The following MCTP2 variants were observed in gnomAD, a reference collection of about 807,000 sequenced individuals.
MCTP2 encodes the protein multiple C2 and transmembrane domain-containing protein 2.
Under a neutral mutation model 111.6 loss-of-function variants are expected in MCTP2, and 132 were observed. The ratio of observed to expected loss-of-function variants is 1.18; its 90% CI spans 1.03 to 1.37. The LOEUF is 1.37. Among genes scored for constraint, MCTP2 ranks in the 40% most tolerant of loss-of-function variants. The pLI is 0.00. For missense variants in MCTP2, 1,183 were observed against 1,067.9 expected, an observed-to-expected ratio of 1.11 and a Z score of -1.50; for synonymous variants, 395 against 387.7, an observed-to-expected ratio of 1.02 and a Z score of -0.22.
chr15:94,444,665 C>T (rs1278199216), intron 19 of MCTP2, among the ~76,000 whole-genome samples: 2 of 152,174 alleles, frequency 1.3e-5, no homozygotes, highest in East Asian at 1.9e-4. Flanking sequence ...AAAAGATGTT[C>T]GTATCTCTCT....
intron 4 of MCTP2, among the ~76,000 whole-genome samples, chr15:94,317,942 A>G (rs1430279458): frequency 6.6e-6 from 1 of 152,012 alleles, no homozygotes; most frequent in Non-Finnish European, 1.5e-5. Flanking sequence ...TTCTATTATT[A>G]TTATAAATGT....
At chr15:94,303,827 G>A (rs1596311053) in intron 2 of MCTP2, among the ~76,000 whole-genome samples, 1 of 152,134 alleles carries the variant, frequency 6.6e-6, no homozygotes, top group South Asian at 2.1e-4. Context: ...CCAACTCTGT[G>A]GTGAGTATAA....
intron 7 of MCTP2, among the ~76,000 whole-genome samples, chr15:94,344,540 A>T (rs2077855661): frequency 6.6e-6 from 1 of 152,182 alleles, no homozygotes; most frequent in Non-Finnish European, 1.5e-5. Flanking sequence ...GACAGAGGAG[A>T]GATCAGAAGA....
intron 1 of MCTP2, among the ~76,000 whole-genome samples, chr15:94,257,578 T>G (rs2072888880): frequency 3.6e-4 from 6 of 16,616 alleles, no homozygotes; most frequent in African/African-American, 1.3e-3. Context: ...TGTTTTTTTT[T>G]TTTTTTTTTT....
chr15:94,369,352 G>A (rs1160489441), intron 11 of MCTP2, among the ~76,000 whole-genome samples: 1 of 152,180 alleles, frequency 6.6e-6, no homozygotes, highest in Non-Finnish European at 1.5e-5. Flanking sequence ...TTTTGAGGCA[G>A]TATCTTTTTC....
chr15:94,331,208 G>A (rs1029770421), intron 4 of MCTP2, among the ~76,000 whole-genome samples: 2 of 152,062 alleles, frequency 1.3e-5, no homozygotes, highest in Admixed American at 6.5e-5. Context: ...TATTGGATGG[G>A]GACTTTTAAA....
chr15:94,462,079 G>C (rs2085249382), intron 20 of MCTP2, among the ~76,000 whole-genome samples: 1 of 152,186 alleles, frequency 6.6e-6, no homozygotes, highest in Non-Finnish European at 1.5e-5. Flanking sequence ...TCCCTGGGAA[G>C]AAGAGTCAGA....
chr15:94,353,232 G>A (rs748387089), intron 8 of MCTP2, among the ~76,000 whole-genome samples: 1 of 152,170 alleles, frequency 6.6e-6, no homozygotes, highest in Non-Finnish European at 1.5e-5. Context: ...ATATTTCCCA[G>A]GGACATTACA....
chr15:94,450,799 A>G (rs1431047577), intron 19 of MCTP2, among the ~76,000 whole-genome samples: 1 of 152,204 alleles, frequency 6.6e-6, no homozygotes, highest in Non-Finnish European at 1.5e-5. Context: ...TTTTCCTGAC[A>G]TGGTCAATTT....
intron 1 of MCTP2, among the ~76,000 whole-genome samples, chr15:94,278,453 C>T (rs1479900000): frequency 6.6e-6 from 1 of 152,006 alleles, no homozygotes; most frequent in Non-Finnish European, 1.5e-5. Context: ...GAAATATCAC[C>T]CCCATCTAAA....
intron 17 of MCTP2, among the ~76,000 whole-genome samples, chr15:94,418,835 G>A (rs1340751773): frequency 1.3e-5 from 2 of 152,106 alleles, no homozygotes; most frequent in East Asian, 1.9e-4. Flanking sequence ...CAGGTTAGAA[G>A]CCTTCTTTTC....
chr15:94,388,403 T>C (rs1043009158), intron 14 of MCTP2, among the ~76,000 whole-genome samples: 1 of 152,208 alleles, frequency 6.6e-6, no homozygotes, highest in African/African-American at 2.4e-5. Context: ...CTAGTGCATC[T>C]GTGTGGGCTC....
intron 14 of MCTP2, among the ~76,000 whole-genome samples, chr15:94,387,753 A>C (rs1160511217): frequency 6.6e-6 from 1 of 152,230 alleles, no homozygotes; most frequent in Non-Finnish European, 1.5e-5. Context: ...TAGATGGTGA[A>C]AAGTAAAGAG....
intron 12 of MCTP2, among the ~76,000 whole-genome samples, chr15:94,380,550 A>G (rs1449450478): frequency 6.6e-6 from 1 of 152,026 alleles, no homozygotes; most frequent in Non-Finnish European, 1.5e-5. Context: ...GGTGGATCAC[A>G]TGAGGTCAGG....
At chr15:94,294,380 G>T (rs1332578318) in intron 1 of MCTP2, among the ~76,000 whole-genome samples, 1 of 152,148 alleles carries the variant, frequency 6.6e-6, no homozygotes, top group Non-Finnish European at 1.5e-5. Flanking sequence ...AGTTGAAAAA[G>T]TCATTTCTTA....
At chr15:94,474,891 GCAT>G (rs1416368426) in intron 21 of MCTP2, among the ~76,000 whole-genome samples, 3 of 151,010 alleles carry the variant, frequency 2.0e-5, no homozygotes, top group Non-Finnish European at 2.9e-5. Flanking sequence ...TAGTCTCAGT[GCAT>G]TGTGGAATAC....
At chr15:94,399,894 C>CT (rs765496091) in intron 15 of MCTP2, 27 bp from the exon 16 acceptor site, 6 of 1,606,918 alleles carry the variant, frequency 3.7e-6, no homozygotes, top group South Asian at 1.1e-5. Flanking sequence ...ACATGCTGCC[C>CT]TTTTTTAACA....
intron 1 of MCTP2, among the ~76,000 whole-genome samples, chr15:94,295,195 C>A (rs2075215229): frequency 6.6e-6 from 1 of 151,688 alleles, no homozygotes; most frequent in African/African-American, 2.4e-5. Flanking sequence ...AGCCATCCAC[C>A]CGCCTTGGCC....
At position 94,243,706 on chromosome 15, in the gene MCTP2, C is replaced by CACATACATATGCGTAT. The variant is rs1567253433; in HGVS notation, c.-66+12047_-66+12048insCATATGCGTATACATA. On this transcript the variant is annotated intron_variant, in intron 1 of 22. Coordinates refer to ENST00000357742, the MANE Select transcript of MCTP2 (RefSeq NM_001385001.1). ...GTATACACATACATATGCGTATATA[C>CACATACATATGCGTAT]ACATATATGTATACACATACATATG... 1.9e-3 allele frequency among the ~76,000 whole-genome samples: 232 copies of CACATACATATGCGTAT among 124,558 alleles called. 1 individual carries two copies. Among genetic ancestry groups the CACATACATATGCGTAT allele is most frequent in the Non-Finnish European group, 3.1e-3 (182 of 59,204 alleles). 81.7% of individuals were successfully genotyped at this position (124,558 alleles called of 152,430 possible).
Sources: gnomAD v4.1 joint callset for allele counts (sites outside exome capture counted in the v4.1 genomes callset) on GRCh38, gnomAD v4.1.1 for gene constraint, MANE v1.5 for transcripts, NCBI Gene and HGNC (gene_info 2026-07-23, HGNC 2026-07-21) for gene names.